Variants in ADGRL2 observed in about 807,000 individuals in gnomAD.
The protein encoded by ADGRL2 is calcium-independent alpha-latrotoxin receptor 2.
Under a neutral mutation model 157.4 loss-of-function variants are expected in ADGRL2, and 44 were observed. That is an observed-to-expected ratio of 0.28 (90% CI 0.22 to 0.36). The LOEUF (loss-of-function observed/expected upper bound fraction) is 0.36. Among genes scored for constraint, ADGRL2 ranks in the 10% least tolerant of loss-of-function variants. ADGRL2 has a pLI of 1.00. For missense variants in ADGRL2, 1,510 were observed against 1,768.9 expected (o/e 0.85, Z 2.63); for synonymous variants, 585 against 624.7 (o/e 0.94, Z 0.95).
intron 2 of ADGRL2, among the ~76,000 whole-genome samples, chr1:81,560,969 G>A (rs2080427241): frequency 1.3e-5 from 2 of 152,036 alleles, no homozygotes; most frequent in Admixed American, 1.3e-4. Context: ...AGAGATTTCA[G>A]TGAAGCTATT....
chr1:81,342,786 C>G (rs1223728211), intron 1 of ADGRL2, among the ~76,000 whole-genome samples: 1 of 151,984 alleles, frequency 6.6e-6, no homozygotes, highest in Non-Finnish European at 1.5e-5. Context: ...AAAATCAAGA[C>G]TCATAAATTT....
chr1:81,856,542 C>T (rs2093209624), intron 2 of ADGRL2, among the ~76,000 whole-genome samples: 1 of 152,022 alleles, frequency 6.6e-6, no homozygotes, highest in Admixed American at 6.6e-5. Context: ...TTAGCAGTGC[C>T]TATCAGCAGA....
intron 23 of ADGRL2, among the ~76,000 whole-genome samples, chr1:81,988,850 AT>A (rs561791978): frequency 6.6e-6 from 1 of 151,778 alleles, no homozygotes; most frequent in South Asian, 2.1e-4. Flanking sequence ...GAAATTTCGT[AT>A]TTTTTTCCAA....
chr1:81,573,184 G>A (rs746825713), intron 2 of ADGRL2, among the ~76,000 whole-genome samples: 1 of 151,788 alleles, frequency 6.6e-6, no homozygotes, highest in East Asian at 1.9e-4. Flanking sequence ...CCTATTAAAG[G>A]CTATCAGGTT....
At chr1:81,526,897 T>A (rs1004816230) in intron 2 of ADGRL2, among the ~76,000 whole-genome samples, 1 of 152,226 alleles carries the variant, frequency 6.6e-6, no homozygotes, top group Non-Finnish European at 1.5e-5. Context: ...CTCCTTATAC[T>A]GCTATGATGC....
At chr1:81,632,517 G>A (rs1399636395) in intron 3 of ADGRL2, among the ~76,000 whole-genome samples, 1 of 152,116 alleles carries the variant, frequency 6.6e-6, no homozygotes, top group Non-Finnish European at 1.5e-5. Context: ...CCAGCACTTT[G>A]GGAGGCCGAG....
intron 2 of ADGRL2, among the ~76,000 whole-genome samples, chr1:81,789,538 C>T (rs1276808199): frequency 6.6e-6 from 1 of 151,568 alleles, no homozygotes; most frequent in Non-Finnish European, 1.5e-5. Flanking sequence ...CCATCCTGGC[C>T]AACATGGTGA....
chr1:81,928,114 C>G (rs2095150112), intron 3 of ADGRL2, among the ~76,000 whole-genome samples: 1 of 151,944 alleles, frequency 6.6e-6, no homozygotes, highest in Non-Finnish European at 1.5e-5. Flanking sequence ...AAGTTATATG[C>G]TGTGTGTATA....
At chr1:81,646,037 C>A (rs1003624697) in intron 3 of ADGRL2, among the ~76,000 whole-genome samples, 12 of 152,140 alleles carry the variant, frequency 7.9e-5, no homozygotes, top group Admixed American at 3.3e-4. Context: ...TGTTAATTCT[C>A]ATTCATATTT....
chr1:81,842,847 G>T (rs1450005418), intron 2 of ADGRL2, among the ~76,000 whole-genome samples: 1 of 152,068 alleles, frequency 6.6e-6, no homozygotes, highest in African/African-American at 2.4e-5. Context: ...CATGGCCAAT[G>T]CTGTGATAAC....
chr1:81,831,181 A>G (rs946181124), intron 1 of ADGRL2, among the ~76,000 whole-genome samples: 1 of 152,158 alleles, frequency 6.6e-6, no homozygotes, highest in African/African-American at 2.4e-5. Context: ...GTTATATTGG[A>G]GGAAATATTT....
At chr1:81,382,061 T>C (rs763793566) in intron 1 of ADGRL2, among the ~76,000 whole-genome samples, 22 of 152,220 alleles carry the variant, frequency 1.4e-4, no homozygotes, top group Non-Finnish European at 2.6e-4. Flanking sequence ...ATCTTGTAGA[T>C]ATTCTTTCCA....
chr1:81,970,656 G>T (rs1397850134), intron 16 of ADGRL2, 122 bp downstream of exon 16: 1 of 663,952 alleles, frequency 1.5e-6, no homozygotes, highest in African/African-American at 1.9e-5. Flanking sequence ...GTAAGAGAAT[G>T]GGCATACCGT....
At chr1:81,982,231 G>A (rs1402880238) in intron 19 of ADGRL2, among the ~76,000 whole-genome samples, 2 of 151,812 alleles carry the variant, frequency 1.3e-5, no homozygotes, top group African/African-American at 4.8e-5. Flanking sequence ...TGCTCGTAGG[G>A]TCTATAAAAT....
rs201626912 is a variant in ADGRL2 at position 81,662,564 on chromosome 1, T to A, written c.-143+81584T>A. Among the ~76,000 whole-genome samples, 10 of 148,070 alleles carry A rather than the reference T, an allele frequency of 6.8e-5. No individual in the cohort carries two copies. The East Asian group carries it at 2.0e-3, about 30-fold the overall frequency. ...CAGCTTCGTTCATTCTTTCTTTTTT[T>A]TTCTTTTTGAGACAGAGTCTCGCTC... On this transcript the variant is annotated intron_variant, in intron 3 of 24. Transcript: ENST00000370721.
intron 1 of ADGRL2, among the ~76,000 whole-genome samples, chr1:81,327,264 AT>A (rs922964838): frequency 2.0e-5 from 3 of 152,184 alleles, no homozygotes; most frequent in African/African-American, 7.2e-5. Context: ...GAGGAAGGAC[AT>A]GTGCTATTGA....
At chr1:81,470,948 T>G (rs368664660) in intron 2 of ADGRL2, among the ~76,000 whole-genome samples, 151 of 152,306 alleles carry the variant, frequency 9.9e-4, no homozygotes, top group African/African-American at 3.5e-3. Context: ...TTTGGTCAGA[T>G]CAGTTTCAAA....
intron 1 of ADGRL2, among the ~76,000 whole-genome samples, chr1:81,374,609 C>T (rs1044618140): frequency 8.2e-6 from 1 of 122,294 alleles, no homozygotes; most frequent in African/African-American, 2.8e-5. Flanking sequence ...TGCTAGGAGA[C>T]TAGTGAAATG....
chr1:81,546,419 A>G (rs1352699925), intron 2 of ADGRL2, among the ~76,000 whole-genome samples: 2 of 152,214 alleles, frequency 1.3e-5, no homozygotes, highest in Non-Finnish European at 2.9e-5. Context: ...CTAAAGAGTT[A>G]TTAGTCAAAA....
Sources: allele counts gnomAD v4.1 joint callset (sites outside exome capture counted in the v4.1 genomes callset), GRCh38; gene constraint gnomAD v4.1.1; transcripts MANE v1.5; gene names NCBI Gene and HGNC (gene_info 2026-07-23, HGNC 2026-07-21).